The following MYO15A variants were observed in gnomAD, a reference collection of about 807,000 sequenced individuals.
MYO15A encodes the protein unconventional myosin-XV.
Under a neutral mutation model 394.6 loss-of-function variants are expected in MYO15A, and 308 were observed. That is an observed-to-expected ratio of 0.78 (90% CI 0.71 to 0.86). MYO15A has a LOEUF of 0.86. MYO15A is among the 40% of genes least tolerant of loss of function. The pLI is 0.00. For synonymous variants in MYO15A, 1,957 were observed against 2,003.8 expected (o/e 0.98, Z 0.62); for missense variants, 4,606 against 4,799.1 (o/e 0.96, Z 1.19).
Position 18,170,231 on chromosome 17 carries a change from T to C in MYO15A, c.10083-1407T>C, listed in dbSNP as rs554149270. 3.5e-4 allele frequency among the ~76,000 whole-genome samples: 54 copies of C among 152,132 alleles called. No individual in the cohort carries two copies. The South Asian group carries it at 0.011, about 31-fold the overall frequency. ...GATTTTCAACCCCCTCGACCACACT[T>C]TGAGAACCCCTGGAAAAACGAATAG... On this transcript the variant is annotated intron_variant, in intron 62 of 65. Transcript: ENST00000647165.
At chr17:18,135,575 A>T in intron 12 of MYO15A, 136 bp from the exon 13 acceptor site, 1 of 752,904 alleles carries the variant, frequency 1.3e-6, no homozygotes, top group Non-Finnish European at 2.2e-6. Flanking sequence ...TCCTGGCCTC[A>T]GGTGATCCAC....
chr17:18,151,992 G>C, intron 41 of MYO15A, 41 bp downstream of exon 41: 2 of 1,545,886 alleles, frequency 1.3e-6, no homozygotes, highest in South Asian at 2.4e-5. Flanking sequence ...TGGAACAGAA[G>C]ACAAAGAGGG....
In MYO15A at chr17:18,149,570, A is replaced by G. The variant is rs200715285; in HGVS notation, c.7202A>G (p.Tyr2401Cys). ...LDSLFDPVLS[Y>C]GDADLEKPTA... ...AGCCTCTTTGACCCTGTGCTGTCCTACGGGGATGCGGTAGGGATGGTGTGG... is the reference window on the plus strand; with the variant it reads ...AGCCTCTTTGACCCTGTGCTGTCCTGCGGGGATGCGGTAGGGATGGTGTGG... The change falls in exon 35 of 66, where the codon TAC becomes TGC. Residue 2401 changes from tyrosine (Y) to cysteine (C), a missense_variant. Transcript: ENST00000647165. 1.8e-4 allele frequency: 292 copies of G among 1,614,028 alleles called. No homozygotes were observed. In the African/African-American group the frequency reaches 3.6e-3, roughly 20 times the overall value.
At chr17:18,176,099 T>C (rs1304571267) in intron 65 of MYO15A, among the ~76,000 whole-genome samples, 1 of 152,228 alleles carries the variant, frequency 6.6e-6, no homozygotes, top group Non-Finnish European at 1.5e-5. Context: ...CCTGCCCCCA[T>C]AGCCCTACTT....
chr17:18,170,468 C>T (rs1298093571), intron 62 of MYO15A, among the ~76,000 whole-genome samples: 1 of 151,864 alleles, frequency 6.6e-6, no homozygotes, highest in African/African-American at 2.4e-5. Flanking sequence ...AAGTGATCCT[C>T]CCACCTCAGC....
chr17:18,170,733 T>C (rs2046928035), intron 62 of MYO15A, among the ~76,000 whole-genome samples: 1 of 152,136 alleles, frequency 6.6e-6, no homozygotes, highest in Admixed American at 6.5e-5. Context: ...AAAGATATAA[T>C]CCCAATCCTG....
intron 7 of MYO15A, among the ~76,000 whole-genome samples, chr17:18,129,892 G>GT (rs898996197): frequency 5.2e-4 from 79 of 150,990 alleles, no homozygotes; most frequent in African/African-American, 8.5e-4. Flanking sequence ...TTTTGTTTTT[G>GT]TTTTTTTTTA....
intron 23 of MYO15A, 56 bp from the exon 24 acceptor site, chr17:18,142,023 C>T (rs866848257): frequency 2.8e-5 from 45 of 1,594,928 alleles, no homozygotes; most frequent in African/African-American, 1.6e-4. Flanking sequence ...GAGGGAGGGG[C>T]CCTTAGTCCA....
At position 18,119,427 on chromosome 17, in the gene MYO15A, G is replaced by A. The variant is rs1413007140; in HGVS notation, c.627G>A (p.Glu209=). 5.0e-6 allele frequency: 8 copies of A among 1,612,262 alleles called. No homozygotes were observed. Among genetic ancestry groups the A allele is most frequent in the Non-Finnish European group, 6.8e-6 (8 of 1,179,982 alleles). ...SGEPLGFLPF[E]DEAPFHHSGS... is the part of the protein sequence containing the mutation. ...AGCCCCTGGGCTTCCTGCCCTTCGA[G>A]GACGAGGCCCCATTCCATCACTCGG... Residue 209 remains glutamate, a synonymous_variant, in exon 2 of 66, where the codon GAG becomes GAA. Transcript: ENST00000647165.
In MYO15A at chr17:18,122,386, G is replaced by A. The variant is rs767554523; in HGVS notation, c.3586G>A (p.Gly1196Ser). ...CCTTAGGGGCTCCTGGGAGGAGGTC[G>A]GCCCGCCAAGCTGGCGGAACAAGGT... ...LSLRGSWEEVGPPSWRNKMHS... is the reference protein window; with the variant it reads ...LSLRGSWEEVSPPSWRNKMHS... The change falls in exon 2 of 66, where the codon GGC becomes AGC. Residue 1196 changes from glycine to serine, a missense_variant. Around this residue, in one of 2 missense-constraint regions of MYO15A, gnomAD observed 2,776 missense variants for 3,109.3 expected, o/e 0.89. Transcript: ENST00000647165. 17 of 1,612,454 alleles carry A rather than the reference G, an allele frequency of 1.1e-5. No homozygotes were observed. In the Admixed American group the frequency reaches 1.5e-4, roughly 14 times the overall value.
chr17:18,136,312 C>T (rs1002697274), intron 13 of MYO15A, 105 bp from the exon 14 acceptor site: 3 of 1,380,182 alleles, frequency 2.2e-6, no homozygotes, highest in South Asian at 1.2e-5. Flanking sequence ...TCACAACATC[C>T]CTCCAGCCTC....
chr17:18,124,334 T>G (rs1230255815), intron 2 of MYO15A, 149 bp from the exon 3 acceptor site: 1 of 752,534 alleles, frequency 1.3e-6, no homozygotes, highest in Admixed American at 2.0e-5. Flanking sequence ...GGCCACAGCA[T>G]TCTGTAATGA....
intron 61 of MYO15A, among the ~76,000 whole-genome samples, chr17:18,167,331 C>T (rs1005477680): frequency 6.6e-6 from 1 of 152,212 alleles, no homozygotes; most frequent in African/African-American, 2.4e-5. Flanking sequence ...AGTGTTGATG[C>T]TCTGCTCTCA....
Position 18,120,957 on chromosome 17 carries a change from G to A in MYO15A, c.2157G>A (p.Trp719Ter). The change falls in exon 2 of 66, where the codon TGG becomes TGA. Residue 719 changes from tryptophan (W) to a stop codon, truncating the protein, a stop_gained. Coordinates refer to ENST00000647165, the MANE Select transcript of MYO15A (RefSeq NM_016239.4). LOFTEE classifies it high-confidence loss of function. Reference sequence around the variant, plus strand: ...CACCGGCGCCGCAGGCCAGCTGGTGGGCCTTCGTGGAGCCCCCTGCCGTGA... The same window carrying A: ...CACCGGCGCCGCAGGCCAGCTGGTGAGCCTTCGTGGAGCCCCCTGCCGTGA... ...HVPPAPQASW[W>*]AFVEPPAVSP... is the part of the protein sequence containing the mutation. The A allele has an allele frequency of 6.7e-7, 1 of 1,483,470 alleles. No individual in the cohort carries two copies. Among genetic ancestry groups the A allele is most frequent in the East Asian group, 2.9e-5 (1 of 34,466 alleles). The allele number at this position is 1,483,470 out of a possible 1,614,324, so 91.9% of individuals were successfully genotyped here. A position where few individuals can be genotyped will look rare whatever the true frequency, so the allele number is the denominator to read the frequency against.
intron 51 of MYO15A, 141 bp downstream of exon 51, chr17:18,158,041 G>C (rs1211952617): frequency 8.0e-7 from 1 of 1,248,866 alleles, no homozygotes; most frequent in Admixed American, 2.9e-5. Context: ...CTAGTGTGAG[G>C]GTGAACCAGG....
Position 18,118,224 on chromosome 17 carries a change from T to C in MYO15A, c.-219-358T>C, listed in dbSNP as rs9899595. On this transcript the variant is annotated intron_variant, in intron 1 of 65. Coordinates refer to ENST00000647165, the MANE Select transcript of MYO15A (RefSeq NM_016239.4). ...CGCAGCCCAGCACCTGCTCTGCCCA[T>C]TCCCCTCCTCCCTTGCCTAGGACCT... Among the ~76,000 whole-genome samples the C allele has an allele frequency of 7.1e-3, 1,084 of 152,226 alleles. 13 individuals carry two copies. The highest frequency in any genetic ancestry group is 0.025 in the African/African-American group (1,039 of 41,550).
chr17:18,111,177 A>G (rs1046305197), intron 1 of MYO15A, among the ~76,000 whole-genome samples: 3 of 152,036 alleles, frequency 2.0e-5, no homozygotes, highest in Non-Finnish European at 4.4e-5. Context: ...CTGTCTCTAC[A>G]AAAAAACATT....
At position 18,135,784 on chromosome 17, in the gene MYO15A, C is replaced by G. The variant is rs773936000; in HGVS notation, c.4556C>G (p.Ser1519Cys). ...IQAVAELLQI[S>C]PEGLQKAITF... ...GCCGTGGCAGAGCTGCTGCAGATCTCCCCTGAGGGCCTGCAGAAGGCCATC... is the reference window on the plus strand; with the variant it reads ...GCCGTGGCAGAGCTGCTGCAGATCTGCCCTGAGGGCCTGCAGAAGGCCATC... The change falls in exon 13 of 66, where the codon TCC (serine) becomes TGC (cysteine). Residue 1519 changes from serine to cysteine, a missense_variant. Physicochemically the swap from Ser to Cys is moderately radical, Grantham distance 112. Around this residue, in one of 2 missense-constraint regions of MYO15A, gnomAD observed 2,776 missense variants for 3,109.3 expected, o/e 0.89. Coordinates refer to ENST00000647165, the MANE Select transcript of MYO15A (RefSeq NM_016239.4). 6.2e-7 allele frequency: 1 copy of G among 1,614,126 alleles called. No individual in the cohort carries two copies. The highest frequency in any genetic ancestry group is 2.2e-5 in the East Asian group (1 of 44,880).
intron 44 of MYO15A, among the ~76,000 whole-genome samples, 166 bp downstream of exon 44, chr17:18,154,356 TCAGTGAGCCCA>T (rs1244224509): frequency 6.6e-6 from 1 of 152,038 alleles, no homozygotes; most frequent in East Asian, 1.9e-4. Context: ...ATGGGCAGGG[TCAGTGAGCCCA>T]CAGTTCAACC....
Sources: gnomAD v4.1 joint callset for allele counts (sites outside exome capture counted in the v4.1 genomes callset) on GRCh38, gnomAD v4.1.1 for gene constraint, gnomAD v4.1.1 regional missense constraint, MANE v1.5 for transcripts, NCBI Gene and HGNC (gene_info 2026-07-23, HGNC 2026-07-21) for gene names.